The following CDC42BPB variants were observed in gnomAD, a reference collection of about 807,000 sequenced individuals.
The protein encoded by CDC42BPB is CDC42 binding protein kinase beta.
CDC42BPB carries 37 observed loss-of-function variants against 214.9 expected under a neutral mutation model. The observed-to-expected ratio is 0.17, with a 90% CI of 0.13 to 0.23. The LOEUF is 0.23. CDC42BPB is among the 10% of genes least tolerant of loss of function. The pLI is 1.00. For missense variants in CDC42BPB, 1,694 were observed against 2,227.0 expected (o/e 0.76, Z 4.82); for synonymous variants, 931 against 884.0 (o/e 1.05, Z -0.94).
chr14:103,014,022 T>C (rs1367719114), intron 1 of CDC42BPB, among the ~76,000 whole-genome samples: 3 of 151,950 alleles, frequency 2.0e-5, no homozygotes, highest in Admixed American at 1.3e-4. Flanking sequence ...AAAATTTAGC[T>C]GGGCGTGGTG....
intron 21 of CDC42BPB, among the ~76,000 whole-genome samples, chr14:102,958,723 C>G (rs1892820075): frequency 1.3e-5 from 2 of 152,270 alleles, no homozygotes; most frequent in South Asian, 4.2e-4. Context: ...AGGGTCTCGG[C>G]AAGGCACCTG....
intron 8 of CDC42BPB, among the ~76,000 whole-genome samples, chr14:102,979,669 T>G (rs1566877390): frequency 6.6e-6 from 1 of 152,210 alleles, no homozygotes; most frequent in African/African-American, 2.4e-5. Flanking sequence ...GATGCTTCGG[T>G]GTAAGAAACT....
intron 29 of CDC42BPB, chr14:102,945,224 C>A (rs1353559569): frequency 8.7e-6 from 4 of 458,088 alleles, no homozygotes; most frequent in South Asian, 4.6e-5. Flanking sequence ...CCCCTGCCCC[C>A]TGCCCATGGC....
At chr14:103,040,616 A>C (rs1478926075) in intron 1 of CDC42BPB, among the ~76,000 whole-genome samples, 2 of 151,612 alleles carry the variant, frequency 1.3e-5, no homozygotes, top group Admixed American at 6.6e-5. Flanking sequence ...CTGCCAACAC[A>C]CCCAGCTAAT....
rs1351761054 is a variant in CDC42BPB at position 103,047,781 on chromosome 14, G to A, written c.175+9218C>T. 6.6e-5 allele frequency among the ~76,000 whole-genome samples: 10 copies of A among 151,930 alleles called. No individual in the cohort carries two copies. In the South Asian group the frequency reaches 2.1e-3, roughly 32 times the overall value. On this transcript the variant is annotated intron_variant, in intron 1 of 36. Transcript: ENST00000361246. ...TAGCTGGGTGTGGTGGTGTGCACCT[G>A]CAGTCCCAGCTACTCGGGAGGCTGA...
chr14:102,946,839 T>C (rs1371209123), intron 27 of CDC42BPB, 155 bp from the exon 28 acceptor site: 2 of 985,312 alleles, frequency 2.0e-6, no homozygotes, highest in Non-Finnish European at 2.4e-6. Context: ...CTGGGCGCCT[T>C]GCAGAGGCTC....
At chr14:102,954,450 C>CA in intron 22 of CDC42BPB, 152 bp downstream of exon 22, 2 of 1,431,804 alleles carry the variant, frequency 1.4e-6, no homozygotes, top group Non-Finnish European at 1.8e-6. Context: ...GAGGGACTGA[C>CA]AGTTAATTCT....
At chr14:103,042,561 C>T (rs1566923247) in intron 1 of CDC42BPB, among the ~76,000 whole-genome samples, 2 of 152,180 alleles carry the variant, frequency 1.3e-5, no homozygotes, top group Non-Finnish European at 1.5e-5. Flanking sequence ...CTGCCCGCCT[C>T]GGCCTCCCAA....
chr14:102,969,239 C>A (rs969292523), intron 14 of CDC42BPB, among the ~76,000 whole-genome samples: 1 of 152,178 alleles, frequency 6.6e-6, no homozygotes, highest in Admixed American at 6.5e-5. Flanking sequence ...TGAGGTGGGA[C>A]GTGTTGGCAG....
At chr14:103,055,120 A>C (rs1411600466) in intron 1 of CDC42BPB, among the ~76,000 whole-genome samples, 1 of 152,264 alleles carries the variant, frequency 6.6e-6, no homozygotes, top group Non-Finnish European at 1.5e-5. Flanking sequence ...AGATCGAGTG[A>C]TCAGAAAGGA....
chr14:102,979,339 A>G (rs1010125000), intron 8 of CDC42BPB, among the ~76,000 whole-genome samples: 3 of 151,866 alleles, frequency 2.0e-5, no homozygotes, highest in African/African-American at 7.3e-5. Flanking sequence ...CAGCCTCCCA[A>G]GTAGCTGGAT....
At chr14:102,977,339 C>CAAAAAA (rs56368090) in intron 9 of CDC42BPB, among the ~76,000 whole-genome samples, 1 of 85,086 alleles carries the variant, frequency 1.2e-5, no homozygotes, top group African/African-American at 4.2e-5. Flanking sequence ...ACTCCGTCTC[C>CAAAAAA]AAAAAAAAAA....
chr14:102,947,114 TG>T (rs1892216909), intron 27 of CDC42BPB, among the ~76,000 whole-genome samples: 1 of 152,234 alleles, frequency 6.6e-6, no homozygotes, highest in Admixed American at 6.5e-5. Context: ...GTAACAATGA[TG>T]GTAATTTCCT....
chr14:102,944,729 T>C lies in CDC42BPB; in HGVS notation c.3812-242A>G. On this transcript the variant is annotated intron_variant, in intron 29 of 36. Coordinates refer to ENST00000361246, the MANE Select transcript of CDC42BPB (RefSeq NM_006035.4). The surrounding 1 kb of genome is among the most constrained non-coding windows in gnomAD (Gnocchi z 6.6). ...CTCCTGGGGCAGCCTCGGGGGCTGG[T>C]CCAAAGGCTCCTCTGCCTCTGCTGC... is the stretch of plus-strand genomic sequence containing the variant. 1.1e-6 allele frequency: 1 copy of C among 918,200 alleles called. No individual in the cohort carries two copies. The highest frequency in any genetic ancestry group is 1.3e-6 in the Non-Finnish European group (1 of 768,900). The allele number at this position is 918,200 out of a possible 1,614,324, so 56.9% of individuals were successfully genotyped here.
rs774139239 is a variant in CDC42BPB at position 102,946,471 on chromosome 14, C to T, written c.3745G>A (p.Val1249Met). The T allele has an allele frequency of 1.7e-5, 27 of 1,612,454 alleles. No individual in the cohort carries two copies. In the Admixed American group the frequency reaches 2.3e-4, roughly 14 times the overall value. ...GGACACAACCTTTGGGACGTACCCACGATGGCAGCTGTCAGGATGGCCTTG... is the reference window on the plus strand; with the variant it reads ...GGACACAACCTTTGGGACGTACCCATGATGGCAGCTGTCAGGATGGCCTTG... ...LIKAILTAAI[V>M]DADRIAVGLE... Residue 1249 changes from valine (V) to methionine (M), a missense_variant, in exon 28 of 37, where the codon GTG becomes ATG. By Grantham distance (21) the Val-to-Met change is conservative. This residue lies in a region of CDC42BPB where 567 missense variants were observed against 790.3 expected (regional missense o/e 0.72). Coordinates refer to ENST00000361246, the MANE Select transcript of CDC42BPB (RefSeq NM_006035.4).
rs150576402 is a variant in CDC42BPB at position 102,957,657 on chromosome 14, G to A, written c.2901+1974C>T. ...AAAACAAACAAACATTTTGACAGGTGAAGGTGAACAGGTGTGCGTCCAGAG... is the reference window on the plus strand; with the variant it reads ...AAAACAAACAAACATTTTGACAGGTAAAGGTGAACAGGTGTGCGTCCAGAG... On this transcript the variant is annotated intron_variant, in intron 21 of 36. Transcript: ENST00000361246. 3.0e-3 allele frequency among the ~76,000 whole-genome samples: 455 copies of A among 152,390 alleles called. 3 individuals carry two copies. The highest frequency in any genetic ancestry group is 9.8e-3 in the African/African-American group (407 of 41,592).
At chr14:103,033,267 G>A (rs1012589706) in intron 1 of CDC42BPB, among the ~76,000 whole-genome samples, 14 of 151,962 alleles carry the variant, frequency 9.2e-5, no homozygotes, top group African/African-American at 3.4e-4. Flanking sequence ...TGTCACCCAG[G>A]CTGGAGTGCA....
At chr14:103,035,892 G>A (rs1887636237) in intron 1 of CDC42BPB, among the ~76,000 whole-genome samples, 1 of 151,590 alleles carries the variant, frequency 6.6e-6, no homozygotes, top group Non-Finnish European at 1.5e-5. Context: ...GCTCACACCT[G>A]TAATACACCA....
At chr14:102,934,403 A>G (rs779762297) in intron 36 of CDC42BPB, among the ~76,000 whole-genome samples, 27 of 152,148 alleles carry the variant, frequency 1.8e-4, no homozygotes, top group African/African-American at 6.3e-4. Context: ...GCGTGGCAGC[A>G]TGCACCTGTA....
Sources: gnomAD v4.1 joint callset for allele counts (sites outside exome capture counted in the v4.1 genomes callset) on GRCh38, gnomAD v4.1.1 for gene constraint, gnomAD v4.1.1 regional missense constraint, Gnocchi (gnomAD v3.1) non-coding constraint, MANE v1.5 for transcripts, NCBI Gene and HGNC (gene_info 2026-07-23, HGNC 2026-07-21) for gene names.